Variants in SLC35D4 observed in about 807,000 individuals in gnomAD.
SLC35D4 encodes solute carrier family 35 member D4.
chr18:23,377,687 G>T, the SLC35D4 span: 7 of 1,563,758 alleles, frequency 4.5e-6, no homozygotes, highest in South Asian at 2.5e-5. Context: ...TAAAAGTAAA[G>T]AAACATACAA....
chr18:23,350,709 T>A, the SLC35D4 span, among the ~76,000 whole-genome samples: 1 of 152,062 alleles, frequency 6.6e-6, no homozygotes, highest in Non-Finnish European at 1.5e-5. Context: ...TTCGTGTTCA[T>A]GCACCACCGA....
At chr18:23,378,702 C>A in the SLC35D4 span, among the ~76,000 whole-genome samples, 33 of 152,166 alleles carry the variant, frequency 2.2e-4, no homozygotes, top group African/African-American at 7.7e-4. Context: ...AGGAAATGAA[C>A]AGGTACAATT....
the SLC35D4 span, among the ~76,000 whole-genome samples, chr18:23,273,740 G>A: frequency 2.6e-5 from 4 of 152,182 alleles, no homozygotes; most frequent in East Asian, 3.9e-4. Flanking sequence ...CTCAGTCACC[G>A]CAAGTCTCCT....
At chr18:23,317,291 T>C in the SLC35D4 span, among the ~76,000 whole-genome samples, 1 of 152,204 alleles carries the variant, frequency 6.6e-6, no homozygotes, top group African/African-American at 2.4e-5. Context: ...GAAGATAGGA[T>C]TGAATCTCTG....
chr18:23,401,722 G>C, the SLC35D4 span, among the ~76,000 whole-genome samples: 2 of 152,184 alleles, frequency 1.3e-5, no homozygotes, highest in South Asian at 4.1e-4. Context: ...TGGAATGTAA[G>C]GTCAGCGAGG....
At chr18:23,353,488 T>C in the SLC35D4 span, among the ~76,000 whole-genome samples, 5 of 152,206 alleles carry the variant, frequency 3.3e-5, no homozygotes, top group African/African-American at 9.6e-5. Context: ...ACTGAATTAA[T>C]TGAACACACC....
At chr18:23,387,412 C>T in the SLC35D4 span, among the ~76,000 whole-genome samples, 1 of 152,076 alleles carries the variant, frequency 6.6e-6, no homozygotes, top group South Asian at 2.1e-4. Flanking sequence ...AGGAACGACC[C>T]AAATACTATA....
At chr18:23,283,808 CAAA>C in the SLC35D4 span, among the ~76,000 whole-genome samples, 4 of 95,266 alleles carry the variant, frequency 4.2e-5, no homozygotes, top group African/African-American at 1.0e-4. Flanking sequence ...GACTCCATCT[CAAA>C]AAAAAAAAAA....
the SLC35D4 span, among the ~76,000 whole-genome samples, chr18:23,424,269 G>A: frequency 6.6e-6 from 1 of 152,102 alleles, no homozygotes; most frequent in East Asian, 1.9e-4. Context: ...TTAAATGGAG[G>A]GTAACCATTC....
At chr18:23,413,033 T>C in the SLC35D4 span, among the ~76,000 whole-genome samples, 1 of 151,988 alleles carries the variant, frequency 6.6e-6, no homozygotes, top group African/African-American at 2.4e-5. Flanking sequence ...GTAAAGTTCT[T>C]TTTTTTTGTT....
chr18:23,406,584 A>T, the SLC35D4 span, among the ~76,000 whole-genome samples: 4 of 152,200 alleles, frequency 2.6e-5, no homozygotes, highest in Non-Finnish European at 2.9e-5. Context: ...GTTAAAAATC[A>T]GGGACCTCCC....
the SLC35D4 span, among the ~76,000 whole-genome samples, chr18:23,409,460 T>C: frequency 6.6e-6 from 1 of 152,366 alleles, no homozygotes; most frequent in Non-Finnish European, 1.5e-5. Flanking sequence ...ACTATTCTAA[T>C]ACTGTATGGT....
the SLC35D4 span, among the ~76,000 whole-genome samples, chr18:23,342,004 A>AG: frequency 2.7e-5 from 4 of 149,130 alleles, no homozygotes; most frequent in Non-Finnish European, 6.0e-5. Context: ...AAAAAAAAAA[A>AG]TGTCCTAAAT....
chr18:23,266,897 A>C, the SLC35D4 span, among the ~76,000 whole-genome samples: 1,447 of 152,312 alleles, frequency 9.5e-3, 21 homozygotes, highest in African/African-American at 0.033. Flanking sequence ...CCCTCGCCGA[A>C]GCTCAGGGAG....
At chr18:23,259,110 T>C in the SLC35D4 span, 3 of 151,976 alleles carry the variant, frequency 2.0e-5, no homozygotes, top group African/African-American at 7.3e-5. Context: ...ATTGAGAAAA[T>C]ATTCAAGGTG....
chr18:23,273,421 G>A, the SLC35D4 span, among the ~76,000 whole-genome samples: 20 of 152,320 alleles, frequency 1.3e-4, no homozygotes, highest in East Asian at 3.9e-3. Context: ...GGGGAGGCCC[G>A]TCTACATGGA....
chr18:23,296,111 G>A, the SLC35D4 span: 3 of 152,056 alleles, frequency 2.0e-5, no homozygotes, highest in Non-Finnish European at 2.9e-5. Flanking sequence ...AGGGCTAGGG[G>A]AGGGATAACA....
At chr18:23,357,045 A>G in the SLC35D4 span, among the ~76,000 whole-genome samples, 1 of 152,062 alleles carries the variant, frequency 6.6e-6, no homozygotes, top group Non-Finnish European at 1.5e-5. Flanking sequence ...CAGAATGTTA[A>G]CTCCAGTCAA....
At chr18:23,336,106 A>C in the SLC35D4 span, among the ~76,000 whole-genome samples, 1 of 152,150 alleles carries the variant, frequency 6.6e-6, no homozygotes, top group African/African-American at 2.4e-5. Flanking sequence ...AAAACAGCAA[A>C]ATGTCCACTC....
Sources: allele counts gnomAD v4.1 joint callset (sites outside exome capture counted in the v4.1 genomes callset), GRCh38; gene constraint gnomAD v4.1.1; transcripts MANE v1.5; gene names NCBI Gene and HGNC (gene_info 2026-07-23, HGNC 2026-07-21).